PRDM10: variants seen among roughly 807,000 people sequenced by gnomAD.
PRDM10 encodes PR domain zinc finger protein 10.
A neutral mutation model predicts 133.1 loss-of-function variants in PRDM10; 65 were observed. The observed-to-expected ratio is 0.49, with a 90% CI of 0.40 to 0.60. The LOEUF (loss-of-function observed/expected upper bound fraction) is 0.60, where lower values mean the gene tolerates loss of function less well. Among genes scored for constraint, PRDM10 ranks in the 20% least tolerant of loss-of-function variants. PRDM10 has a pLI of 0.00. For synonymous variants in PRDM10, 582 were observed against 580.4 expected (o/e 1.00, Z -0.04); for missense variants, 1,137 against 1,507.1 (o/e 0.75, Z 4.07).
At chr11:129,907,902 G>A (rs1380971296) in intron 19 of PRDM10, among the ~76,000 whole-genome samples, 1 of 151,112 alleles carries the variant, frequency 6.6e-6, no homozygotes, top group African/African-American at 2.4e-5. Context: ...ACCAGCCTGG[G>A]CAACACAGCG....
intron 7 of PRDM10, among the ~76,000 whole-genome samples, chr11:129,941,850 A>C (rs1173198442): frequency 6.6e-6 from 1 of 152,220 alleles, no homozygotes; most frequent in African/African-American, 2.4e-5. Flanking sequence ...TTCAGTTTAC[A>C]ATATTTTCAG....
chr11:129,978,206 C>T (rs575383823), intron 1 of PRDM10, among the ~76,000 whole-genome samples: 1 of 152,234 alleles, frequency 6.6e-6, no homozygotes, highest in South Asian at 2.1e-4. Flanking sequence ...GTCTAGGGGC[C>T]ACTCACATTG....
At chr11:129,937,511 C>T in intron 8 of PRDM10, 87 bp downstream of exon 8, 2 of 1,097,194 alleles carry the variant, frequency 1.8e-6, no homozygotes, top group Non-Finnish European at 2.5e-6. Context: ...TATACTGAGA[C>T]AAAAAAAAAA....
At chr11:129,905,824 A>G in intron 19 of PRDM10, 83 bp from the exon 20 acceptor site, 2 of 1,133,086 alleles carry the variant, frequency 1.8e-6, no homozygotes, top group Non-Finnish European at 2.6e-6. Flanking sequence ...CAGTAGCCAC[A>G]GTCCGCACTG....
chr11:129,959,653 G>C (rs1484586764), intron 2 of PRDM10, among the ~76,000 whole-genome samples: 1 of 152,084 alleles, frequency 6.6e-6, no homozygotes, highest in Admixed American at 6.6e-5. Context: ...TTATAAATAA[G>C]ATATACCAAA....
chr11:129,917,358 A>T (rs375755530), intron 14 of PRDM10, 121 bp from the exon 15 acceptor site: 1 of 714,472 alleles, frequency 1.4e-6, no homozygotes, highest in East Asian at 2.7e-5. Flanking sequence ...GCCCCCAAAT[A>T]ATAAGGCATT....
intron 1 of PRDM10, among the ~76,000 whole-genome samples, chr11:129,978,461 T>G (rs1325593591): frequency 6.6e-6 from 1 of 152,214 alleles, no homozygotes; most frequent in Admixed American, 6.5e-5. Context: ...TCCTGACTTG[T>G]CTCTGGCTGT....
rs1349754636 is a variant in PRDM10 at position 129,915,912 on chromosome 11, G to T, written c.2326-52C>A. 5.3e-6 allele frequency: 8 copies of T among 1,515,298 alleles called. No individual in the cohort carries two copies. The East Asian group carries it at 9.2e-5, about 17-fold the overall frequency. 93.9% of individuals were successfully genotyped at this position (1,515,298 alleles called of 1,614,324 possible). On this transcript the variant is annotated intron_variant, in intron 15 of 20. Transcript: ENST00000360871. ...AAGCAGTATACAGTTCCACTTTCTT[G>T]CTTAAAGCAAACTAACAATTTCATT... is the stretch of plus-strand genomic sequence containing the variant.
intron 19 of PRDM10, 138 bp downstream of exon 19, chr11:129,910,338 C>G (rs1213054469): frequency 4.6e-5 from 56 of 1,226,796 alleles, no homozygotes; most frequent in Non-Finnish European, 6.3e-5. Flanking sequence ...GTCATGAAAC[C>G]CATTGAAGTA....
chr11:129,912,034 T>C, intron 18 of PRDM10, 51 bp downstream of exon 18: 1 of 1,494,738 alleles, frequency 6.7e-7, no homozygotes, highest in Non-Finnish European at 9.0e-7. Flanking sequence ...TTAACTCTGA[T>C]AATCCCTGAA....
At chr11:129,954,926 T>C (rs1402827804) in intron 4 of PRDM10, among the ~76,000 whole-genome samples, 2 of 152,244 alleles carry the variant, frequency 1.3e-5, no homozygotes, top group East Asian at 3.8e-4. Flanking sequence ...CCCAAAGTGC[T>C]GGGATTATAG....
chr11:129,972,645 G>A (rs781457349), intron 1 of PRDM10, among the ~76,000 whole-genome samples: 5 of 152,150 alleles, frequency 3.3e-5, no homozygotes, highest in Admixed American at 6.5e-5. Context: ...CTTACCCCAG[G>A]TCACAGTGTG....
chr11:129,943,862 A>T (rs1282102931), intron 6 of PRDM10, among the ~76,000 whole-genome samples: 1 of 152,034 alleles, frequency 6.6e-6, no homozygotes, highest in Non-Finnish European at 1.5e-5. Context: ...GCGTGATGGC[A>T]GGCACCTGTA....
chr11:129,967,868 C>T (rs1440676774), intron 1 of PRDM10, among the ~76,000 whole-genome samples: 2 of 152,204 alleles, frequency 1.3e-5, no homozygotes, highest in East Asian at 3.9e-4. Flanking sequence ...CATCACCTGC[C>T]CTCCTAGGAG....
chr11:129,930,397 C>T (rs764034858), intron 11 of PRDM10, among the ~76,000 whole-genome samples: 3 of 152,144 alleles, frequency 2.0e-5, no homozygotes, highest in African/African-American at 7.2e-5. Flanking sequence ...TAAGAGAAAA[C>T]GCATCTGAAC....
chr11:129,917,910 C>T (rs1950407206), intron 14 of PRDM10, among the ~76,000 whole-genome samples: 1 of 152,190 alleles, frequency 6.6e-6, no homozygotes, highest in African/African-American at 2.4e-5. Flanking sequence ...GCAGGTGGAT[C>T]ACCTGAGGTC....
chr11:129,986,608 C>T (rs1276292475), intron 1 of PRDM10, among the ~76,000 whole-genome samples: 1 of 152,174 alleles, frequency 6.6e-6, no homozygotes, highest in South Asian at 2.1e-4. Flanking sequence ...AGGCTGGTCT[C>T]GAACTCCTGG....
At position 129,935,185 on chromosome 11, in the gene PRDM10, T is replaced by C. The variant is rs764500831; in HGVS notation, c.1073A>G (p.Tyr358Cys). The change falls in exon 9 of 21, where the codon TAT (tyrosine) becomes TGT (cysteine). Residue 358 changes from tyrosine to cysteine, a missense_variant. Physicochemically the swap from Tyr to Cys is radical, Grantham distance 194. Coordinates refer to ENST00000360871, the MANE Select transcript of PRDM10 (RefSeq NM_199437.2). ...LREQEKNWPC[Y>C]ECNRRFISSE... Reference sequence around the variant, plus strand: ...GCTTATAAATCGGCGGTTACATTCATAGCAGGGCCAATTCTTCTCTTGCTC... The same window carrying C: ...GCTTATAAATCGGCGGTTACATTCACAGCAGGGCCAATTCTTCTCTTGCTC... 1.9e-6 allele frequency: 3 copies of C among 1,613,942 alleles called. No homozygotes were observed. The highest frequency in any genetic ancestry group is 3.3e-5 in the Admixed American group (2 of 60,000).
intron 1 of PRDM10, among the ~76,000 whole-genome samples, chr11:129,966,148 G>A (rs1053005306): frequency 2.6e-5 from 4 of 152,152 alleles, no homozygotes; most frequent in Non-Finnish European, 4.4e-5. Flanking sequence ...GGAGGCTGAG[G>A]CGGGAGAATC....
Sources: gnomAD v4.1 joint callset for allele counts (sites outside exome capture counted in the v4.1 genomes callset) on GRCh38, gnomAD v4.1.1 for gene constraint, MANE v1.5 for transcripts, NCBI Gene and HGNC (gene_info 2026-07-23, HGNC 2026-07-21) for gene names.